The following PARD6G variants were observed in gnomAD, a reference collection of about 807,000 sequenced individuals.
PARD6G encodes the protein par-6 family cell polarity regulator gamma.
Under a neutral mutation model 10.7 loss-of-function variants are expected in PARD6G, and 7 were observed. The ratio of observed to expected loss-of-function variants is 0.66; its 90% CI spans 0.37 to 1.23. The LOEUF (loss-of-function observed/expected upper bound fraction) is 1.23, where lower values mean the gene tolerates loss of function less well. Ranked by LOEUF, PARD6G falls within the 50% of genes most tolerant of loss-of-function variation. The probability of loss-of-function intolerance (pLI) is 0.02; values close to 1 mark genes in which losing one functional copy is unlikely to be tolerated. For missense variants in PARD6G, 548 were observed against 571.8 expected (o/e 0.96, Z 0.42); for synonymous variants, 287 against 269.4 (o/e 1.07, Z -0.64).
At chr18:80,174,730 G>A (rs11875974) in intron 2 of PARD6G, among the ~76,000 whole-genome samples, 25,636 of 151,880 alleles carry the variant, frequency 0.17, 2,898 homozygotes, top group East Asian at 0.47. Context: ...CGAGGCGGGC[G>A]GATCACGAGG....
rs376263541 is a variant in PARD6G, at chr18:80,161,026, T to C, written c.296-420A>G. ...ACTGTAAGACGGAGGCTCGTTTTTT[T>C]CTAAGGTTAATTACAACTAAGAGAG... On this transcript the variant is annotated intron_variant, in intron 2 of 2. Coordinates refer to ENST00000353265, the MANE Select transcript of PARD6G (RefSeq NM_032510.4). The surrounding 1 kb of genome is among the most constrained non-coding windows in gnomAD (Gnocchi z 4.6). Among the ~76,000 whole-genome samples, 2 of 152,332 alleles carry C rather than the reference T, an allele frequency of 1.3e-5. No homozygotes were observed. The highest frequency in any genetic ancestry group is 1.9e-4 in the East Asian group (1 of 5,184).
At chr18:80,193,487 G>C (rs1217667778) in intron 2 of PARD6G, among the ~76,000 whole-genome samples, 1 of 152,162 alleles carries the variant, frequency 6.6e-6, no homozygotes, top group East Asian at 1.9e-4. Flanking sequence ...TGGCTTCAAT[G>C]CAACAAAAAT....
intron 1 of PARD6G, among the ~76,000 whole-genome samples, chr18:80,220,162 A>C (rs1967214049): frequency 6.6e-6 from 1 of 152,190 alleles, no homozygotes; most frequent in Non-Finnish European, 1.5e-5. Flanking sequence ...CCTTCCTCAC[A>C]TGGCAGCATC....
chr18:80,210,530 C>T (rs762313497), intron 1 of PARD6G, among the ~76,000 whole-genome samples: 1 of 152,156 alleles, frequency 6.6e-6, no homozygotes, highest in African/African-American at 2.4e-5. Context: ...TCTTGCAGCT[C>T]CAGGAAAAGC....
intron 1 of PARD6G, among the ~76,000 whole-genome samples, chr18:80,211,033 T>C (rs1967102992): frequency 1.3e-5 from 2 of 152,184 alleles, no homozygotes; most frequent in Admixed American, 1.3e-4. Flanking sequence ...CTTAGTCACT[T>C]AGTAAAAGGT....
In PARD6G at chr18:80,194,472, A is replaced by T. The variant is rs149553019; in HGVS notation, c.295+8238T>A. ...TACAACTTGGTTTATTGTGAGAGTCACACGATAATTTTAGAAATCCTTGGT... is the reference window on the plus strand; with the variant it reads ...TACAACTTGGTTTATTGTGAGAGTCTCACGATAATTTTAGAAATCCTTGGT... On this transcript the variant is annotated intron_variant, in intron 2 of 2. Transcript: ENST00000353265. 3.3e-5 allele frequency among the ~76,000 whole-genome samples: 5 copies of T among 152,336 alleles called. No individual in the cohort carries two copies. The East Asian group carries it at 9.6e-4, about 29-fold the overall frequency.
chr18:80,228,730 A>G lies in PARD6G; in HGVS notation c.72+18547T>C, dbSNP rs8093843. Among the ~76,000 whole-genome samples the G allele has an allele frequency of 0.18, 26,010 of 145,942 alleles. 2,821 individuals are homozygous for G. The highest frequency in any genetic ancestry group is 0.43 in the East Asian group (2,154 of 5,030). On this transcript the variant is annotated intron_variant, in intron 1 of 2. Coordinates refer to ENST00000353265, the MANE Select transcript of PARD6G (RefSeq NM_032510.4). The surrounding 1 kb of genome is among the most constrained non-coding windows in gnomAD (Gnocchi z 4.6). Reference sequence around the variant, plus strand: ...CTTCTCCACCAAAGACCTGCCTCACACCCCCAGGGGCCTGCCTCCCATCTA... The same window carrying G: ...CTTCTCCACCAAAGACCTGCCTCACGCCCCCAGGGGCCTGCCTCCCATCTA...
rs892645145 is a variant in PARD6G, at chr18:80,160,633, G to A, written c.296-27C>T. ...TGCGGGAGAGGGGACAGTTAGAGGG[G>A]ACACACAACCGAGCCCCGCCTGAGC... On this transcript the variant is annotated intron_variant, in intron 2 of 2. Coordinates refer to ENST00000353265, the MANE Select transcript of PARD6G (RefSeq NM_032510.4). 7 of 1,432,732 alleles carry A rather than the reference G, an allele frequency of 4.9e-6. No homozygotes were observed. In the African/African-American group the frequency reaches 5.8e-5, roughly 12 times the overall value. 88.8% of individuals were successfully genotyped at this position (1,432,732 alleles called of 1,614,324 possible). A position where few individuals can be genotyped will look rare whatever the true frequency, so the allele number is the denominator to read the frequency against.
In PARD6G at chr18:80,160,119, G is replaced by A. The variant is rs2052687628; in HGVS notation, c.783C>T (p.Arg261=). ...NQRNNVVRGG[R]ALGSSGPPSD... is the part of the protein sequence containing the mutation. ...AGGGCGGTCCCGAGCTGCCCAACGC[G>A]CGGCCGCCGCGCACCACGTTGTTGC... The change falls in exon 3 of 3, where the codon CGC becomes CGT. Residue 261 remains arginine (R), a synonymous_variant. Coordinates refer to ENST00000353265, the MANE Select transcript of PARD6G (RefSeq NM_032510.4). The A allele has an allele frequency of 5.0e-6, 8 of 1,611,516 alleles. No homozygotes were observed. The East Asian group carries it at 1.6e-4, about 31-fold the overall frequency.
intron 1 of PARD6G, among the ~76,000 whole-genome samples, chr18:80,233,597 A>G (rs1967384537): frequency 6.6e-6 from 1 of 152,190 alleles, no homozygotes; most frequent in African/African-American, 2.4e-5. Context: ...GCCACGGGAT[A>G]CAGGTGCTAA....
At chr18:80,173,480 C>G (rs2052790187) in intron 2 of PARD6G, among the ~76,000 whole-genome samples, 1 of 152,126 alleles carries the variant, frequency 6.6e-6, no homozygotes, top group Admixed American at 6.5e-5. Flanking sequence ...CAAAAATTAG[C>G]CAGGCATGGT....
chr18:80,246,931 C>T lies in PARD6G; in HGVS notation c.72+346G>A, dbSNP rs962068932. ...GAGCAGCCCCTGGCCCTCAACTCGC[C>T]CCGGAAAGGCCGCCCTCCCCTCCAA... is the stretch of plus-strand genomic sequence containing the variant. On this transcript the variant is annotated intron_variant, in intron 1 of 2. Transcript: ENST00000353265. The surrounding 1 kb of genome is among the most constrained non-coding windows in gnomAD (Gnocchi z 6.7). 9.2e-5 allele frequency among the ~76,000 whole-genome samples: 14 copies of T among 152,272 alleles called. 1 individual carries two copies. In the East Asian group the frequency reaches 2.5e-3, roughly 27 times the overall value.
intron 1 of PARD6G, among the ~76,000 whole-genome samples, chr18:80,217,633 T>C (rs989903915): frequency 9.2e-5 from 14 of 152,162 alleles, no homozygotes; most frequent in Non-Finnish European, 8.8e-5. Context: ...CAAATCTCAA[T>C]TGAGGGACAT....
intron 1 of PARD6G, among the ~76,000 whole-genome samples, chr18:80,204,195 A>T (rs753532211): frequency 2.0e-5 from 3 of 152,186 alleles, no homozygotes; most frequent in Non-Finnish European, 2.9e-5. Context: ...AACTAATTAG[A>T]TTGGTTCCAA....
rs1473708389 is a variant in PARD6G, at chr18:80,158,250, A to G, written c.*1521T>C. On this transcript the variant is annotated 3_prime_UTR_variant, in exon 3 of 3. Coordinates refer to ENST00000353265, the MANE Select transcript of PARD6G (RefSeq NM_032510.4). ...GCCAGTGACCATTCTAGAAATGAAA[A>G]TTAGCATGTATTGTGACTTACTAAA... The G allele has an allele frequency of 1.3e-5, 2 of 152,256 alleles. No individual in the cohort carries two copies. Among genetic ancestry groups the G allele is most frequent in the African/African-American group, 4.8e-5 (2 of 41,468 alleles). The allele number at this position is 152,256 out of a possible 1,614,324, so 9.4% of individuals were successfully genotyped here.
Position 80,188,984 on chromosome 18 carries a change from T to C in PARD6G, c.295+13726A>G, listed in dbSNP as rs1384756607. Among the ~76,000 whole-genome samples the C allele has an allele frequency of 6.6e-6, 1 of 152,206 alleles. No homozygotes were observed. Among genetic ancestry groups the C allele is most frequent in the African/African-American group, 2.4e-5 (1 of 41,462 alleles). ...CCCAGCAGAGGCAGCAAGGTAGGCGTTGCCCAGCCCGGGGTTGCCTGACAC... is the reference window on the plus strand; with the variant it reads ...CCCAGCAGAGGCAGCAAGGTAGGCGCTGCCCAGCCCGGGGTTGCCTGACAC... On this transcript the variant is annotated intron_variant, in intron 2 of 2. Coordinates refer to ENST00000353265, the MANE Select transcript of PARD6G (RefSeq NM_032510.4). The surrounding 1 kb of genome is among the most constrained non-coding windows in gnomAD (Gnocchi z 5.4).
chr18:80,193,094 C>T (rs1966913351), intron 2 of PARD6G, among the ~76,000 whole-genome samples: 1 of 152,098 alleles, frequency 6.6e-6, no homozygotes, highest in Non-Finnish European at 1.5e-5. Flanking sequence ...CTCGGAGACC[C>T]ACCTGAAGCC....
At chr18:80,219,807 G>A (rs1300870349) in intron 1 of PARD6G, among the ~76,000 whole-genome samples, 1 of 152,082 alleles carries the variant, frequency 6.6e-6, no homozygotes, top group African/African-American at 2.4e-5. Context: ...AAGTCTCTAG[G>A]AAGTTCCAAA....
intron 1 of PARD6G, among the ~76,000 whole-genome samples, chr18:80,242,417 G>C (rs1459874770): frequency 2.6e-5 from 4 of 152,216 alleles, no homozygotes; most frequent in African/African-American, 9.7e-5. Flanking sequence ...ACAGCTGGAA[G>C]GGCATGTTCC....
Sources: gnomAD v4.1 joint callset for allele counts (sites outside exome capture counted in the v4.1 genomes callset) on GRCh38, gnomAD v4.1.1 for gene constraint, Gnocchi (gnomAD v3.1) non-coding constraint, MANE v1.5 for transcripts, NCBI Gene and HGNC (gene_info 2026-07-23, HGNC 2026-07-21) for gene names.